MALRD1: variants seen among roughly 807,000 people sequenced by gnomAD.
The protein encoded by MALRD1 is MAM and LDL-receptor class A domain-containing protein 1.
MALRD1 carries 247 observed loss-of-function variants against 242.1 expected under a neutral mutation model. The observed-to-expected ratio is 1.02, with a 90% CI of 0.92 to 1.13. The LOEUF is 1.13. Ranked by LOEUF, MALRD1 falls within the 50% of genes most tolerant of loss-of-function variation. MALRD1 has a pLI of 0.00. For synonymous variants in MALRD1, 995 were observed against 866.6 expected (o/e 1.15, Z -2.60); for missense variants, 2,989 against 2,533.1 (o/e 1.18, Z -3.86).
chr10:19,305,936 A>G (rs1842152399), intron 21 of MALRD1, among the ~76,000 whole-genome samples: 1 of 129,972 alleles, frequency 7.7e-6, no homozygotes, highest in Non-Finnish European at 1.6e-5. Flanking sequence ...TGTACTATGT[A>G]AACTATACTA....
intron 28 of MALRD1, among the ~76,000 whole-genome samples, chr10:19,442,553 CT>C (rs1031037253): frequency 6.6e-6 from 1 of 151,976 alleles, no homozygotes; most frequent in African/African-American, 2.4e-5. Context: ...TGTCAAAGGC[CT>C]TTTTTGCATC....
chr10:19,518,047 T>G (rs1354917270), intron 31 of MALRD1, among the ~76,000 whole-genome samples: 1 of 152,228 alleles, frequency 6.6e-6, no homozygotes, highest in African/African-American at 2.4e-5. Context: ...ACAGAAGCAC[T>G]TTAGGGAATC....
chr10:19,181,140 A>G (rs893602629), intron 14 of MALRD1, among the ~76,000 whole-genome samples: 1 of 152,200 alleles, frequency 6.6e-6, no homozygotes, highest in African/African-American at 2.4e-5. Flanking sequence ...CCATTATGGA[A>G]TATGGTATGG....
intron 30 of MALRD1, among the ~76,000 whole-genome samples, chr10:19,495,069 C>T (rs1184258604): frequency 1.3e-5 from 2 of 151,932 alleles, no homozygotes; most frequent in African/African-American, 4.8e-5. Flanking sequence ...CTCCGTCTCC[C>T]AGGTTCAAGC....
chr10:19,144,116 T>C (rs965448857), intron 10 of MALRD1, among the ~76,000 whole-genome samples: 5 of 152,224 alleles, frequency 3.3e-5, no homozygotes, highest in African/African-American at 1.2e-4. Flanking sequence ...GTTTTTATTA[T>C]TATGCTGTAG....
intron 4 of MALRD1, among the ~76,000 whole-genome samples, chr10:19,098,574 C>T (rs1836129715): frequency 2.0e-5 from 3 of 151,960 alleles, no homozygotes. Context: ...CATTTTGTGT[C>T]TCAAATGTTT....
At chr10:19,162,290 C>CCT (rs34173895) in intron 12 of MALRD1, among the ~76,000 whole-genome samples, 26,138 of 149,548 alleles carry the variant, frequency 0.17, 2,772 homozygotes, top group Admixed American at 0.26. Context: ...TCCTCTCTTT[C>CCT]CTCTCTCTCT....
intron 21 of MALRD1, among the ~76,000 whole-genome samples, chr10:19,313,305 T>A (rs201987397): frequency 1.3e-5 from 2 of 151,144 alleles, no homozygotes; most frequent in East Asian, 1.9e-4. Flanking sequence ...TAAATATTAT[T>A]AATATTAAAT....
At chr10:19,330,536 C>T (rs952393257) in intron 23 of MALRD1, among the ~76,000 whole-genome samples, 1 of 152,076 alleles carries the variant, frequency 6.6e-6, no homozygotes, top group African/African-American at 2.4e-5. Context: ...TTAACATATA[C>T]ATACTTAGCT....
In MALRD1 at chr10:19,567,873, G is replaced by A. The variant is rs572003535; in HGVS notation, c.5680+170G>A. ...TAAAGTTTCTCTGCCTATGAACTTC[G>A]CCATGAAATTTTCATGTCTTGTAGG... is the stretch of plus-strand genomic sequence containing the variant. On this transcript the variant is annotated intron_variant, in intron 33 of 39. Coordinates refer to ENST00000454679, the MANE Select transcript of MALRD1 (RefSeq NM_001142308.3). 4.6e-5 allele frequency among the ~76,000 whole-genome samples: 7 copies of A among 152,220 alleles called. No individual in the cohort carries two copies. The South Asian group carries it at 1.0e-3, about 23-fold the overall frequency.
intron 26 of MALRD1, among the ~76,000 whole-genome samples, chr10:19,363,973 G>C (rs926668429): frequency 2.0e-5 from 3 of 152,058 alleles, no homozygotes; most frequent in African/African-American, 7.2e-5. Flanking sequence ...GTAGTGTTTT[G>C]TGAAGGCCCT....
intron 18 of MALRD1, among the ~76,000 whole-genome samples, chr10:19,217,835 C>T (rs1837390274): frequency 6.6e-6 from 1 of 152,078 alleles, no homozygotes; most frequent in Non-Finnish European, 1.5e-5. Context: ...ATCATGCGGT[C>T]TTTATACTTA....
At chr10:19,526,242 A>G (rs1453212568) in intron 31 of MALRD1, among the ~76,000 whole-genome samples, 4 of 152,036 alleles carry the variant, frequency 2.6e-5, no homozygotes, top group Non-Finnish European at 4.4e-5. Flanking sequence ...TTCTGAAAGT[A>G]TAATTCAATG....
intron 33 of MALRD1, among the ~76,000 whole-genome samples, chr10:19,579,589 A>C (rs966026366): frequency 6.6e-6 from 1 of 152,182 alleles, no homozygotes; most frequent in Admixed American, 6.5e-5. Context: ...TCTCAGCCCT[A>C]TATCAGCTAG....
intron 11 of MALRD1, among the ~76,000 whole-genome samples, chr10:19,147,953 G>A (rs546444077): frequency 2.0e-5 from 3 of 152,124 alleles, no homozygotes; most frequent in Non-Finnish European, 2.9e-5. Context: ...GTGTGTGATT[G>A]GACAGGGAGA....
intron 19 of MALRD1, among the ~76,000 whole-genome samples, chr10:19,263,295 C>T (rs28795383): frequency 0.084 from 12,836 of 152,262 alleles, 730 homozygotes; most frequent in African/African-American, 0.16. Context: ...CACATCTTCA[C>T]CAACACTAGC....
intron 38 of MALRD1, among the ~76,000 whole-genome samples, chr10:19,696,643 A>C (rs1198065125): frequency 1.3e-5 from 2 of 152,162 alleles, no homozygotes; most frequent in African/African-American, 4.8e-5. Flanking sequence ...ACAGTGGCTC[A>C]TAACTGTAAT....
chr10:19,171,658 CTA>C (rs1427828432), intron 13 of MALRD1, among the ~76,000 whole-genome samples: 2 of 139,356 alleles, frequency 1.4e-5, no homozygotes, highest in Non-Finnish European at 3.1e-5. Context: ...ATATATATGT[CTA>C]TGTGTGTATA....
At chr10:19,557,941 T>C (rs1835798368) in intron 32 of MALRD1, among the ~76,000 whole-genome samples, 1 of 152,106 alleles carries the variant, frequency 6.6e-6, no homozygotes, top group African/African-American at 2.4e-5. Context: ...TTCATCAGTT[T>C]TGTAGTGTTC....
Sources: gnomAD v4.1 joint callset for allele counts (sites outside exome capture counted in the v4.1 genomes callset) on GRCh38, gnomAD v4.1.1 for gene constraint, MANE v1.5 for transcripts, NCBI Gene and HGNC (gene_info 2026-07-23, HGNC 2026-07-21) for gene names.